Variants in GPC6 observed in about 807,000 individuals in gnomAD.
GPC6 encodes the protein glypican 6.
In GPC6, 14 loss-of-function variants were observed where a neutral mutation model predicts 55.2. That is an observed-to-expected ratio of 0.25 (90% CI 0.17 to 0.40). The LOEUF (loss-of-function observed/expected upper bound fraction) is 0.40, where lower values mean the gene tolerates loss of function less well. Ranked by LOEUF, GPC6 falls within the 10% of genes least tolerant of loss-of-function variation. The pLI, the probability that GPC6 is intolerant of heterozygous loss-of-function variation, is 1.00. For synonymous variants in GPC6, 278 were observed against 259.6 expected, an observed-to-expected ratio of 1.07 and a Z score of -0.68; for missense variants, 641 against 708.5, an observed-to-expected ratio of 0.90 and a Z score of 1.08.
chr13:93,344,665 G>T (rs971353433), intron 1 of GPC6, among the ~76,000 whole-genome samples: 1 of 152,022 alleles, frequency 6.6e-6, no homozygotes, highest in Admixed American at 6.6e-5. Context: ...TTCAATAATT[G>T]CTTTGACTGT....
rs527274600 is a variant in GPC6 at position 93,851,601 on chromosome 13, C to G, written c.711+21056C>G. ...ATGCTAAAGTTTCCACTGACTGTAA[C>G]CTTTAAATATATCTCGGGAAGATTT... is the stretch of plus-strand genomic sequence containing the variant. On this transcript the variant is annotated intron_variant, in intron 3 of 8. Transcript: ENST00000377047. 5.3e-5 allele frequency among the ~76,000 whole-genome samples: 8 copies of G among 151,822 alleles called. No homozygotes were observed. The South Asian group carries it at 1.7e-3, about 31-fold the overall frequency.
At chr13:93,735,093 G>T (rs763997253) in intron 2 of GPC6, among the ~76,000 whole-genome samples, 1 of 152,026 alleles carries the variant, frequency 6.6e-6, no homozygotes, top group Non-Finnish European at 1.5e-5. Flanking sequence ...TGGTGATAAT[G>T]ATTTTTGTGT....
chr13:94,067,446 G>A (rs1884556274), intron 4 of GPC6, among the ~76,000 whole-genome samples: 1 of 151,406 alleles, frequency 6.6e-6, no homozygotes, highest in African/African-American at 2.4e-5. Flanking sequence ...ATTAAGGATG[G>A]TCATGAAACA....
intron 2 of GPC6, among the ~76,000 whole-genome samples, chr13:93,726,317 C>T (rs1883639141): frequency 2.0e-5 from 3 of 152,022 alleles, no homozygotes; most frequent in Admixed American, 2.0e-4. Context: ...TTTGAAATAG[C>T]TCTTTGTCAG....
At chr13:93,368,276 CCTCCTTCCCTCCCTCCCTCCCTCT>C (rs535459974) in intron 1 of GPC6, among the ~76,000 whole-genome samples, 274 of 149,152 alleles carry the variant, frequency 1.8e-3, no homozygotes, top group Non-Finnish European at 3.0e-3. Context: ...TTCCTCCCTC[CCTCCTTCCCTCCCTCCCTCCCTCT>C]CTCCTTCCCT....
intron 4 of GPC6, among the ~76,000 whole-genome samples, chr13:94,130,723 A>G (rs2138865486): frequency 6.6e-6 from 1 of 152,262 alleles, no homozygotes; most frequent in Non-Finnish European, 1.5e-5. Flanking sequence ...AAAGAAAATG[A>G]CCATGAAGTC....
At chr13:93,933,870 A>T (rs561144013) in intron 3 of GPC6, among the ~76,000 whole-genome samples, 1 of 152,306 alleles carries the variant, frequency 6.6e-6, no homozygotes, top group Non-Finnish European at 1.5e-5. Flanking sequence ...AGCTAATGAG[A>T]CATCTAAACC....
chr13:93,918,091 C>T (rs143121593), intron 3 of GPC6, among the ~76,000 whole-genome samples: 222 of 125,624 alleles, frequency 1.8e-3, no homozygotes, highest in Admixed American at 4.8e-3. Context: ...AGAGAGACTC[C>T]GTCAAAAAAA....
chr13:93,417,925 A>G (rs1347701498), intron 1 of GPC6, among the ~76,000 whole-genome samples: 1 of 152,042 alleles, frequency 6.6e-6, no homozygotes, highest in Admixed American at 6.6e-5. Flanking sequence ...CATTCATTTC[A>G]TTTGTCAACG....
intron 4 of GPC6, among the ~76,000 whole-genome samples, chr13:94,183,901 G>A (rs1378715526): frequency 6.6e-6 from 1 of 152,098 alleles, no homozygotes; most frequent in East Asian, 1.9e-4. Context: ...GAAGAATGTG[G>A]TTCATAGACC....
chr13:93,982,009 C>T (rs1403017601), intron 3 of GPC6, among the ~76,000 whole-genome samples: 2 of 152,058 alleles, frequency 1.3e-5, no homozygotes, highest in East Asian at 3.9e-4. Context: ...CTGCAGAACC[C>T]CTTCTTTATT....
chr13:94,357,079 C>T (rs79749206), intron 6 of GPC6, among the ~76,000 whole-genome samples: 6,367 of 152,246 alleles, frequency 0.042, 214 homozygotes, highest in Non-Finnish European at 0.068. Context: ...CCTGTGTATC[C>T]TTCTGGACCC....
At chr13:93,594,654 A>G (rs1877646859) in intron 2 of GPC6, among the ~76,000 whole-genome samples, 1 of 152,078 alleles carries the variant, frequency 6.6e-6, no homozygotes, top group Admixed American at 6.6e-5. Context: ...TCAGGTTGCC[A>G]TAACAAAATG....
At chr13:93,521,694 T>C (rs1483509321) in intron 1 of GPC6, among the ~76,000 whole-genome samples, 2 of 151,996 alleles carry the variant, frequency 1.3e-5, no homozygotes, top group East Asian at 1.9e-4. Flanking sequence ...AACATACTTA[T>C]ATGAGGTGAT....
intron 1 of GPC6, among the ~76,000 whole-genome samples, chr13:93,368,390 G>GTCCTTCCT (rs1168320888): frequency 0.046 from 2,592 of 55,932 alleles, 140 homozygotes; most frequent in African/African-American, 0.12. Flanking sequence ...CCTTCCTTCC[G>GTCCTTCCT]TCCTTCCTTC....
chr13:93,403,581 T>C (rs1316182586), intron 1 of GPC6, among the ~76,000 whole-genome samples: 2 of 152,220 alleles, frequency 1.3e-5, no homozygotes, highest in African/African-American at 2.4e-5. Flanking sequence ...AATTTGTAGA[T>C]ATTTGGTTAA....
chr13:93,627,735 C>A (rs1001218991), intron 2 of GPC6, among the ~76,000 whole-genome samples: 2 of 152,170 alleles, frequency 1.3e-5, no homozygotes, highest in African/African-American at 4.8e-5. Context: ...CAGTGCTGTG[C>A]ATCTAGCTCC....
At chr13:93,783,295 C>G (rs762501499) in intron 2 of GPC6, among the ~76,000 whole-genome samples, 1 of 152,058 alleles carries the variant, frequency 6.6e-6, no homozygotes, top group African/African-American at 2.4e-5. Flanking sequence ...GTGCATCTAT[C>G]GTTATAATAG....
At chr13:93,554,873 T>G (rs1229093085) in intron 2 of GPC6, among the ~76,000 whole-genome samples, 1 of 152,210 alleles carries the variant, frequency 6.6e-6, no homozygotes, top group Non-Finnish European at 1.5e-5. Flanking sequence ...TTTCAGAATG[T>G]GCCATTTGTT....
Sources: allele counts gnomAD v4.1 joint callset (sites outside exome capture counted in the v4.1 genomes callset), GRCh38; gene constraint gnomAD v4.1.1; transcripts MANE v1.5; gene names NCBI Gene and HGNC (gene_info 2026-07-23, HGNC 2026-07-21).